Variants in ERBB4 observed in about 807,000 individuals in gnomAD.
The protein encoded by ERBB4 is receptor tyrosine-protein kinase erbB-4.
In ERBB4, 42 loss-of-function variants were observed where a neutral mutation model predicts 158.0. That is an observed-to-expected ratio of 0.27 (90% confidence interval 0.21 to 0.34). The LOEUF is 0.34. Ranked by LOEUF, ERBB4 falls within the 10% of genes least tolerant of loss-of-function variation. ERBB4 has a pLI of 1.00. For synonymous variants in ERBB4, 583 were observed against 558.7 expected (o/e 1.04, Z -0.61); for missense variants, 1,333 against 1,624.1 (o/e 0.82, Z 3.08).
intron 1 of ERBB4, among the ~76,000 whole-genome samples, chr2:212,499,859 A>C (rs1185680472): frequency 6.6e-6 from 1 of 152,062 alleles, no homozygotes; most frequent in Non-Finnish European, 1.5e-5. Context: ...AAAGGAGCTC[A>C]AGTAAAAAAC....
At chr2:211,841,706 T>C (rs2077474084) in intron 3 of ERBB4, among the ~76,000 whole-genome samples, 1 of 152,016 alleles carries the variant, frequency 6.6e-6, no homozygotes, top group African/African-American at 2.4e-5. Flanking sequence ...CCTTCAAAAA[T>C]ATTTTCCTTA....
At chr2:211,689,563 G>A (rs546956022) in intron 12 of ERBB4, among the ~76,000 whole-genome samples, 4 of 152,040 alleles carry the variant, frequency 2.6e-5, no homozygotes, top group South Asian at 4.2e-4. Context: ...GAATGACTTC[G>A]CACTAATTTA....
intron 5 of ERBB4, among the ~76,000 whole-genome samples, chr2:211,744,809 T>C (rs1252956875): frequency 6.6e-6 from 1 of 152,250 alleles, no homozygotes; most frequent in East Asian, 1.9e-4. Context: ...GGCTTTTTAA[T>C]ACTTTTTTCT....
chr2:212,395,339 A>G (rs1332180328), intron 1 of ERBB4, among the ~76,000 whole-genome samples: 1 of 151,968 alleles, frequency 6.6e-6, no homozygotes, highest in Non-Finnish European at 1.5e-5. Flanking sequence ...AAAGCTTTAT[A>G]TATTATAATA....
In ERBB4 at chr2:211,630,623, T is replaced by G. The variant is rs372399051; in HGVS notation, c.1947-29A>C. ...ACAACCAGAATGAGAAAAAAAAAAA[T>G]AAAAAGTATGAAGAGAGAGAAGACA... is the stretch of plus-strand genomic sequence containing the variant. On this transcript the variant is annotated intron_variant, in intron 16 of 27. Coordinates refer to ENST00000342788, the MANE Select transcript of ERBB4 (RefSeq NM_005235.3). The G allele has an allele frequency of 4.5e-5, 69 of 1,550,392 alleles. No homozygotes were observed. The African/African-American group carries it at 8.4e-4, about 19-fold the overall frequency.
At chr2:212,090,107 T>C (rs938067484) in intron 2 of ERBB4, among the ~76,000 whole-genome samples, 2 of 152,152 alleles carry the variant, frequency 1.3e-5, no homozygotes, top group Non-Finnish European at 2.9e-5. Flanking sequence ...AGATAAATGA[T>C]GCCATTAGAA....
intron 27 of ERBB4, 55 bp from the exon 28 acceptor site, chr2:211,384,115 G>T: frequency 7.6e-7 from 1 of 1,319,758 alleles, no homozygotes; most frequent in Non-Finnish European, 1.1e-6. Flanking sequence ...ATATTAATCA[G>T]ACCAAGGTTA....
At chr2:211,798,544 T>C (rs1383546252) in intron 3 of ERBB4, among the ~76,000 whole-genome samples, 1 of 152,126 alleles carries the variant, frequency 6.6e-6, no homozygotes, top group Non-Finnish European at 1.5e-5. Flanking sequence ...AGATAATATA[T>C]ACAAAACTCC....
chr2:212,535,784 AT>A (rs570831707), intron 1 of ERBB4, among the ~76,000 whole-genome samples: 2 of 152,156 alleles, frequency 1.3e-5, no homozygotes, highest in Admixed American at 6.5e-5. Context: ...CTAATGCTGA[AT>A]TTTTTTCCAA....
chr2:212,135,481 C>T (rs1349402370), intron 1 of ERBB4, among the ~76,000 whole-genome samples: 1 of 151,762 alleles, frequency 6.6e-6, no homozygotes, highest in African/African-American at 2.4e-5. Flanking sequence ...CTTATAACTG[C>T]ATATATATAT....
intron 1 of ERBB4, among the ~76,000 whole-genome samples, chr2:212,142,517 G>T (rs2080515644): frequency 6.6e-6 from 1 of 150,380 alleles, no homozygotes; most frequent in Non-Finnish European, 1.5e-5. Context: ...TATGCATATA[G>T]ATGAGAAAAC....
chr2:211,498,209 T>C (rs2065522523), intron 20 of ERBB4, among the ~76,000 whole-genome samples: 1 of 152,078 alleles, frequency 6.6e-6, no homozygotes, highest in African/African-American at 2.4e-5. Context: ...ACCTAGGAAC[T>C]TCTATAACTA....
In ERBB4 at chr2:212,427,540, A is replaced by T. The variant is rs2091940059; in HGVS notation, c.82+110909T>A. ...TTGTAAGTGTTTCGCACTGTATGAG[A>T]TAGTTTTTATGCCATATGGGAAAAA... is the stretch of plus-strand genomic sequence containing the variant. On this transcript the variant is annotated intron_variant, in intron 1 of 27. Coordinates refer to ENST00000342788, the MANE Select transcript of ERBB4 (RefSeq NM_005235.3). 2.6e-5 allele frequency among the ~76,000 whole-genome samples: 4 copies of T among 152,182 alleles called. No homozygotes were observed. In the South Asian group the frequency reaches 8.3e-4, roughly 32 times the overall value.
chr2:212,465,161 T>C (rs1688769064), intron 1 of ERBB4, among the ~76,000 whole-genome samples: 1 of 152,166 alleles, frequency 6.6e-6, no homozygotes, highest in Admixed American at 6.6e-5. Context: ...AGCATTTATA[T>C]AATTCTCTCT....
rs374574899 is a variant in ERBB4 at position 211,701,953 on chromosome 2, A to T, written c.1489+14T>A. 130 of 1,581,862 alleles carry T rather than the reference A, an allele frequency of 8.2e-5. 1 individual carries two copies. Among genetic ancestry groups the T allele is most frequent in the Non-Finnish European group, 1.6e-5 (18 of 1,150,778 alleles). On this transcript the variant is annotated intron_variant, in intron 12 of 27. Coordinates refer to ENST00000342788, the MANE Select transcript of ERBB4 (RefSeq NM_005235.3). ...TAAGTTTCTATGTTTTAAATGTCTG[A>T]GTAATGTACTTACTACAATTTTCAG...
chr2:211,892,703 T>A (rs2078999867), intron 3 of ERBB4, among the ~76,000 whole-genome samples: 1 of 145,566 alleles, frequency 6.9e-6, no homozygotes. Context: ...ATAAGCAACT[T>A]CAGCAAAGTC....
At chr2:212,118,079 T>A (rs1338331011) in intron 2 of ERBB4, among the ~76,000 whole-genome samples, 1 of 152,150 alleles carries the variant, frequency 6.6e-6, no homozygotes, top group Admixed American at 6.5e-5. Context: ...GAGGAAGATA[T>A]GGAAAACAGA....
intron 1 of ERBB4, among the ~76,000 whole-genome samples, chr2:212,508,600 TAGAG>T (rs5838338): frequency 0.16 from 24,474 of 151,936 alleles, 2,058 homozygotes; most frequent in African/African-American, 0.17. Flanking sequence ...GAAATACAAT[TAGAG>T]AGAGAACACA....
chr2:211,586,180 T>C (rs1266402155), intron 19 of ERBB4, among the ~76,000 whole-genome samples: 9 of 152,142 alleles, frequency 5.9e-5, no homozygotes, highest in Non-Finnish European at 8.8e-5. Context: ...AAAACAAAAC[T>C]GATCAACTTC....
Sources: gnomAD v4.1 joint callset for allele counts (sites outside exome capture counted in the v4.1 genomes callset) on GRCh38, gnomAD v4.1.1 for gene constraint, MANE v1.5 for transcripts, NCBI Gene and HGNC (gene_info 2026-07-23, HGNC 2026-07-21) for gene names.